PPP1R1C: variants seen among roughly 807,000 people sequenced by gnomAD.
PPP1R1C encodes the protein protein phosphatase 1 regulatory subunit 1C.
Under a neutral mutation model 17.4 loss-of-function variants are expected in PPP1R1C, and 15 were observed. The ratio of observed to expected loss-of-function variants is 0.86; its 90% CI spans 0.58 to 1.33. PPP1R1C has a LOEUF of 1.33. Among genes scored for constraint, PPP1R1C ranks in the 40% most tolerant of loss-of-function variants. PPP1R1C has a pLI of 0.00. For synonymous variants in PPP1R1C, 35 were observed against 43.1 expected (o/e 0.81, Z 0.73); for missense variants, 143 against 130.0 (o/e 1.10, Z -0.48).
In PPP1R1C at chr2:181,979,732, G is replaced by A. The variant is rs375762383; in HGVS notation, n.157+4468G>A. Among the ~76,000 whole-genome samples the A allele has an allele frequency of 8.5e-5, 13 of 152,266 alleles. No homozygotes were observed. In the East Asian group the frequency reaches 9.6e-4, roughly 11 times the overall value. Reference sequence around the variant, plus strand: ...ATAACTGGGTGTAAATAGAGTGTACGTAGTGTTAGAGGCGATGGAGCCTGT... The same window carrying A: ...ATAACTGGGTGTAAATAGAGTGTACATAGTGTTAGAGGCGATGGAGCCTGT... On this transcript the variant is annotated intron_variant and non_coding_transcript_variant, in intron 2 of 5. Transcript: ENST00000464264.
At chr2:182,115,815 G>A (rs774676284) in intron 4 of PPP1R1C, among the ~76,000 whole-genome samples, 57 of 152,130 alleles carry the variant, frequency 3.7e-4, no homozygotes, top group Non-Finnish European at 6.8e-4. Flanking sequence ...GCTGACAGCC[G>A]TACATGCAAA....
At chr2:182,124,781 G>A (rs1019640542) in intron 5 of PPP1R1C, among the ~76,000 whole-genome samples, 1 of 152,020 alleles carries the variant, frequency 6.6e-6, no homozygotes, top group African/African-American at 2.4e-5. Flanking sequence ...CTTATCAGCT[G>A]AAAGAGTTTT....
At position 181,962,255 on chromosome 2, in the gene PPP1R1C, C is replaced by A; in HGVS notation, n.111+7621C>A. 2.7e-6 allele frequency: 2 copies of A among 731,480 alleles called. No individual in the cohort carries two copies. Among genetic ancestry groups the A allele is most frequent in the East Asian group, 2.5e-5 (1 of 39,644 alleles). The allele number at this position is 731,480 out of a possible 1,614,324, so 45.3% of individuals were successfully genotyped here. On this transcript the variant is annotated intron_variant and non_coding_transcript_variant, in intron 1 of 5. Transcript: ENST00000464264. This position sits in a 1 kb window ranked among gnomAD's most constrained non-coding sequence, Gnocchi z 6.0. ...TGTCTCCTTCTTATTCTGGATGCCT[C>A]CCATTCCTGCCAGACCCCCGGCCAT...
chr2:181,966,716 TTTG>T (rs1413257406), intron 1 of PPP1R1C, among the ~76,000 whole-genome samples: 1 of 152,184 alleles, frequency 6.6e-6, no homozygotes, highest in African/African-American at 2.4e-5. Flanking sequence ...TTGCTAGTAT[TTTG>T]TTAAGGGTTT....
chr2:182,093,429 T>C (rs1203112062), intron 4 of PPP1R1C, among the ~76,000 whole-genome samples: 1 of 152,234 alleles, frequency 6.6e-6, no homozygotes, highest in African/African-American at 2.4e-5. Flanking sequence ...TGGAGACATT[T>C]TCCCCATTGT....
In PPP1R1C at chr2:181,976,213, A is replaced by G. The variant is rs1432573535; in HGVS notation, n.157+949A>G. 6.6e-6 allele frequency among the ~76,000 whole-genome samples: 1 copy of G among 152,150 alleles called. No individual in the cohort carries two copies. Among genetic ancestry groups the G allele is most frequent in the African/African-American group, 2.4e-5 (1 of 41,448 alleles). On this transcript the variant is annotated intron_variant and non_coding_transcript_variant, in intron 2 of 5. Coordinates refer to the PPP1R1C transcript ENST00000464264. The surrounding 1 kb of genome is among the most constrained non-coding windows in gnomAD (Gnocchi z 4.8). ...CACACAAAAGTATAAGTAAGCGTGT[A>G]TGTATATGTCAGTAGGTGTTTAATG...
intron 5 of PPP1R1C, among the ~76,000 whole-genome samples, chr2:182,126,906 A>G (rs1417492386): frequency 6.6e-6 from 1 of 152,082 alleles, no homozygotes; most frequent in African/African-American, 2.4e-5. Context: ...ATTCTTGATG[A>G]AGTAAATTAA....
At chr2:182,127,188 G>C (rs191306502) in intron 5 of PPP1R1C, among the ~76,000 whole-genome samples, 1 of 152,168 alleles carries the variant, frequency 6.6e-6, no homozygotes, top group Admixed American at 6.5e-5. Context: ...ACATAAACTT[G>C]TAAGGTTTGT....
chr2:182,114,616 C>T (rs1689528787), intron 4 of PPP1R1C, among the ~76,000 whole-genome samples: 1 of 152,040 alleles, frequency 6.6e-6, no homozygotes, highest in East Asian at 1.9e-4. Context: ...TGTTCATTAT[C>T]CAATTGAAAG....
chr2:182,107,668 T>C (rs1011104282), intron 4 of PPP1R1C, among the ~76,000 whole-genome samples: 3 of 152,126 alleles, frequency 2.0e-5, no homozygotes, highest in Admixed American at 6.5e-5. Flanking sequence ...ACAGGCACAC[T>C]ACCTTTCCTT....
chr2:182,064,042 A>T, intron 4 of PPP1R1C: 1 of 433,872 alleles, frequency 2.3e-6, no homozygotes, highest in Non-Finnish European at 4.1e-6. Flanking sequence ...CAAAATAATG[A>T]CAAAGATTTT....
intron 2 of PPP1R1C, among the ~76,000 whole-genome samples, chr2:181,977,303 T>A (rs1055030273): frequency 2.6e-5 from 4 of 152,120 alleles, no homozygotes; most frequent in African/African-American, 9.7e-5. Context: ...ATCACATGTT[T>A]CCTAAAGAAA....
At chr2:182,002,650 C>T (rs960726777) in intron 2 of PPP1R1C, among the ~76,000 whole-genome samples, 1 of 151,830 alleles carries the variant, frequency 6.6e-6, no homozygotes, top group Non-Finnish European at 1.5e-5. Flanking sequence ...GACTAATGCA[C>T]CAAAATGATA....
intron 2 of PPP1R1C, among the ~76,000 whole-genome samples, chr2:182,011,942 A>G (rs895739822): frequency 6.6e-6 from 1 of 151,884 alleles, no homozygotes; most frequent in Admixed American, 6.6e-5. Flanking sequence ...TTCTCTTCTT[A>G]TTGATTTTTA....
At chr2:181,966,671 A>G (rs1684911051) in intron 1 of PPP1R1C, among the ~76,000 whole-genome samples, 1 of 152,120 alleles carries the variant, frequency 6.6e-6, no homozygotes. Context: ...GTTGTTCACG[A>G]TGAATGATCT....
intron 2 of PPP1R1C, among the ~76,000 whole-genome samples, chr2:182,037,513 G>A (rs1052602386): frequency 2.0e-5 from 3 of 152,002 alleles, no homozygotes; most frequent in African/African-American, 7.2e-5. Context: ...CTTGAACCTG[G>A]GAGGCAGAAG....
intron 4 of PPP1R1C, among the ~76,000 whole-genome samples, chr2:182,102,593 A>G (rs1211615119): frequency 3.9e-5 from 6 of 152,130 alleles, no homozygotes; most frequent in Non-Finnish European, 8.8e-5. Context: ...ATGCAGTGTG[A>G]TAAGTCATGG....
intron 2 of PPP1R1C, among the ~76,000 whole-genome samples, chr2:181,996,661 AG>A (rs1417094299): frequency 2.0e-5 from 3 of 152,240 alleles, no homozygotes; most frequent in Non-Finnish European, 4.4e-5. Flanking sequence ...GAGGAAAAAA[AG>A]GACTGTGCAA....
intron 2 of PPP1R1C, among the ~76,000 whole-genome samples, chr2:181,998,046 A>G (rs146788653): frequency 6.6e-6 from 1 of 152,264 alleles, no homozygotes; most frequent in African/African-American, 2.4e-5. Context: ...CTGAACTCAC[A>G]CTGTAACTTT....
Sources: allele counts gnomAD v4.1 joint callset (sites outside exome capture counted in the v4.1 genomes callset), GRCh38; gene constraint gnomAD v4.1.1; non-coding constraint Gnocchi (gnomAD v3.1); transcripts MANE v1.5; gene names NCBI Gene and HGNC (gene_info 2026-07-23, HGNC 2026-07-21).